Variants in SLC35A3 observed in about 807,000 individuals in gnomAD.
SLC35A3 encodes solute carrier family 35 member A3.
In SLC35A3, 26 loss-of-function variants were observed where a neutral mutation model predicts 39.0. The ratio of observed to expected loss-of-function variants is 0.67; its 90% CI spans 0.49 to 0.92. The LOEUF (loss-of-function observed/expected upper bound fraction) is 0.92. SLC35A3 is among the 40% of genes least tolerant of loss of function. The pLI, the probability that SLC35A3 is intolerant of heterozygous loss-of-function variation, is 0.00. For synonymous variants in SLC35A3, 135 were observed against 133.1 expected (o/e 1.01, Z -0.10); for missense variants, 299 against 371.6 (o/e 0.80, Z 1.61).
At chr1:99,985,250 G>C (rs1283044827) in intron 1 of SLC35A3, among the ~76,000 whole-genome samples, 1 of 152,138 alleles carries the variant, frequency 6.6e-6, no homozygotes, top group Non-Finnish European at 1.5e-5. Flanking sequence ...TTTTGTGTAA[G>C]GTGAGAGAGG....
intron 1 of SLC35A3, among the ~76,000 whole-genome samples, chr1:99,984,241 C>A (rs11166387): frequency 0.068 from 10,401 of 152,146 alleles, 491 homozygotes; most frequent in African/African-American, 0.14. Context: ...ATAATTGATT[C>A]CCCTGGAGGG....
intron 3 of SLC35A3, 79 bp from the exon 4 acceptor site, chr1:100,006,955 A>AATAC: frequency 6.9e-7 from 1 of 1,451,070 alleles, no homozygotes; most frequent in Non-Finnish European, 9.2e-7. Context: ...TAGTCCTTAA[A>AATAC]ATACATTTCT....
chr1:99,972,011 C>T (rs1358960496), intron 1 of SLC35A3, among the ~76,000 whole-genome samples: 1 of 152,124 alleles, frequency 6.6e-6, no homozygotes, highest in African/African-American at 2.4e-5. Flanking sequence ...GATTCTCCTG[C>T]CTCAGCCTCC....
intron 3 of SLC35A3, among the ~76,000 whole-genome samples, chr1:100,004,476 AT>A (rs1164586141): frequency 1.3e-5 from 2 of 151,790 alleles, no homozygotes; most frequent in South Asian, 4.2e-4. Context: ...TAACTTTCAT[AT>A]TTTTTTAGAG....
chr1:100,019,841 A>G (rs965177322), intron 7 of SLC35A3, among the ~76,000 whole-genome samples: 1 of 152,148 alleles, frequency 6.6e-6, no homozygotes, highest in Admixed American at 6.6e-5. Flanking sequence ...AGACATCTCT[A>G]CTGATACAAT....
intron 2 of SLC35A3, 52 bp from the exon 3 acceptor site, chr1:99,999,209 G>A (rs1658601895): frequency 3.3e-6 from 4 of 1,208,856 alleles, no homozygotes; most frequent in Non-Finnish European, 4.5e-6. Flanking sequence ...GAGCAGATAT[G>A]TAACTTATTC....
At chr1:100,021,768 A>G (rs114229445) in intron 7 of SLC35A3, among the ~76,000 whole-genome samples, 170 of 152,348 alleles carry the variant, frequency 1.1e-3, no homozygotes, top group Non-Finnish European at 2.2e-3. Context: ...ATCTATAAAT[A>G]TATAGGATAA....
chr1:99,985,844 G>A (rs902742955), intron 1 of SLC35A3, among the ~76,000 whole-genome samples: 1 of 152,086 alleles, frequency 6.6e-6, no homozygotes, highest in African/African-American at 2.4e-5. Context: ...TGTAAAAGGG[G>A]TTGAGTTCTT....
Position 100,026,616 on chromosome 1 carries a change from TTAAA to T in SLC35A3, c.*4146_*4149del, listed in dbSNP as rs946368827. ...AAGCATAAACATTTGTGAACAGTAC[TTAAA>T]TAAATTGTGATACTATTGCTCCATC... is the stretch of plus-strand genomic sequence containing the variant. On this transcript the variant is annotated 3_prime_UTR_variant, in exon 8 of 8. Transcript: ENST00000533028. 1.6e-4 allele frequency: 24 copies of T among 152,348 alleles called. No individual in the cohort carries two copies. The highest frequency in any genetic ancestry group is 5.3e-4 in the African/African-American group (22 of 41,590). 9.4% of individuals were successfully genotyped at this position (152,348 alleles called of 1,614,324 possible).
In SLC35A3 at chr1:100,013,444, A is replaced by AT. The variant is rs1416646967; in HGVS notation, c.635-1858_635-1857insT. On this transcript the variant is annotated intron_variant, in intron 5 of 7. Transcript: ENST00000533028. ...TCTGAGCAACACTACAAAACTCTGTACAAAAAAAAAAAAAAAAAATTAGCT... is the reference window on the plus strand; with the variant it reads ...TCTGAGCAACACTACAAAACTCTGTATCAAAAAAAAAAAAAAAAAATTAGCT... 6.4e-3 allele frequency among the ~76,000 whole-genome samples: 898 copies of AT among 141,110 alleles called. 8 individuals are homozygous for AT. Among genetic ancestry groups the AT allele is most frequent in the Non-Finnish European group, 0.01 (692 of 66,194 alleles). The allele number at this position is 141,110 out of a possible 152,430, so 92.6% of individuals were successfully genotyped here.
In SLC35A3 at chr1:100,011,489, TAAAAG is replaced by T. The variant is rs1332257684; in HGVS notation, c.594_598del (p.Lys198AsnfsTer28). On this transcript the variant is annotated frameshift_variant, in exon 5 of 8. Coordinates refer to ENST00000533028, the MANE Select transcript of SLC35A3 (RefSeq NM_012243.3). LOFTEE classifies it high-confidence loss of function. ...GCTGGGGTTTACTTTGAGAAAATCT[TAAAAG>T]AAACAAAACAATCAGTGTGGATAAG... 2.6e-6 allele frequency: 4 copies of T among 1,562,098 alleles called. No individual in the cohort carries two copies. The highest frequency in any genetic ancestry group is 3.5e-6 in the Non-Finnish European group (4 of 1,143,690).
intron 4 of SLC35A3, among the ~76,000 whole-genome samples, chr1:100,010,095 C>T (rs1247189824): frequency 6.6e-6 from 1 of 152,156 alleles, no homozygotes; most frequent in Non-Finnish European, 1.5e-5. Context: ...GCACTACCCA[C>T]ATTTCACGTG....
intron 1 of SLC35A3, among the ~76,000 whole-genome samples, chr1:99,982,649 TTAAA>T (rs1307618580): frequency 2.6e-5 from 4 of 152,168 alleles, no homozygotes; most frequent in African/African-American, 9.6e-5. Flanking sequence ...CTTAAGAATA[TTAAA>T]TAATTACTGA....
In SLC35A3 at chr1:100,022,591, A is replaced by G. The variant is rs972044711; in HGVS notation, c.*115A>G. 4.0e-6 allele frequency: 2 copies of G among 500,600 alleles called. No homozygotes were observed. Among genetic ancestry groups the G allele is most frequent in the Non-Finnish European group, 7.1e-6 (2 of 279,738 alleles). The allele number at this position is 500,600 out of a possible 1,614,324, so 31.0% of individuals were successfully genotyped here. On this transcript the variant is annotated 3_prime_UTR_variant, in exon 8 of 8. Coordinates refer to ENST00000533028, the MANE Select transcript of SLC35A3 (RefSeq NM_012243.3). ...AGATATCATCATGCTGAATCTGATCATACTGTTTTTTAAAAGTTTAAGGAT... is the reference window on the plus strand; with the variant it reads ...AGATATCATCATGCTGAATCTGATCGTACTGTTTTTTAAAAGTTTAAGGAT...
chr1:99,986,906 G>A (rs1276588325), intron 1 of SLC35A3, among the ~76,000 whole-genome samples: 2 of 152,204 alleles, frequency 1.3e-5, no homozygotes, highest in Non-Finnish European at 2.9e-5. Flanking sequence ...CACTTGAAAA[G>A]AAGTTAGAGC....
At chr1:100,015,253 T>C (rs1284305220) in intron 5 of SLC35A3, 49 bp from the exon 6 acceptor site, 1 of 1,435,924 alleles carries the variant, frequency 7.0e-7, no homozygotes, top group South Asian at 1.6e-5. Context: ...AAAATATATC[T>C]CTTCAGACAA....
Position 100,017,453 on chromosome 1 carries a change from C to A in SLC35A3, c.754-229C>A, listed in dbSNP as rs580678. The stretch of plus-strand genomic sequence containing the variant: ...AATATGGTCAAAGTCCATTATAACA[C>A]ACTGCAGATTGTCCTGGTAGTTACT... On this transcript the variant is annotated intron_variant, in intron 6 of 7. Coordinates refer to ENST00000533028, the MANE Select transcript of SLC35A3 (RefSeq NM_012243.3). 0.22 allele frequency among the ~76,000 whole-genome samples: 33,412 copies of A among 152,076 alleles called. 5,073 individuals are homozygous for A. Among genetic ancestry groups the A allele is most frequent in the African/African-American group, 0.43 (17,984 of 41,448 alleles).
chr1:99,998,736 G>A (rs904358690), intron 2 of SLC35A3, among the ~76,000 whole-genome samples: 4 of 152,128 alleles, frequency 2.6e-5, no homozygotes, highest in Non-Finnish European at 4.4e-5. Context: ...TTTAAATCTG[G>A]ACTCACCCCA....
At position 99,976,201 on chromosome 1, in the gene SLC35A3, CT is replaced by C. The variant is rs1657097397; in HGVS notation, c.-19+6041del. 5.3e-5 allele frequency among the ~76,000 whole-genome samples: 8 copies of C among 152,128 alleles called. 1 individual carries two copies. The South Asian group carries it at 1.7e-3, about 32-fold the overall frequency. On this transcript the variant is annotated intron_variant, in intron 1 of 7. Coordinates refer to ENST00000533028, the MANE Select transcript of SLC35A3 (RefSeq NM_012243.3). Reference sequence around the variant, plus strand: ...TTCAGTTAGGCAGAGTGGCATAAGACTTGAACAGTAAATGTAGAACAAACAT... The same window carrying C: ...TTCAGTTAGGCAGAGTGGCATAAGACTGAACAGTAAATGTAGAACAAACAT...
Sources: allele counts gnomAD v4.1 joint callset (sites outside exome capture counted in the v4.1 genomes callset), GRCh38; gene constraint gnomAD v4.1.1; transcripts MANE v1.5; gene names NCBI Gene and HGNC (gene_info 2026-07-23, HGNC 2026-07-21).